Variants in CSMD3 observed in about 807,000 individuals in gnomAD.
CSMD3 encodes the protein CUB and sushi domain-containing protein 3.
A neutral mutation model predicts 435.2 loss-of-function variants in CSMD3; 177 were observed. The ratio of observed to expected loss-of-function variants is 0.41; its 90% CI spans 0.36 to 0.46. CSMD3 has a LOEUF of 0.46. Among genes scored for constraint, CSMD3 ranks in the 20% least tolerant of loss-of-function variants. CSMD3 has a pLI of 0.34. For synonymous variants in CSMD3, 1,656 were observed against 1,520.5 expected (o/e 1.09, Z -2.07); for missense variants, 4,265 against 4,504.6 (o/e 0.95, Z 1.52).
intron 40 of CSMD3, among the ~76,000 whole-genome samples, chr8:112,350,792 G>A (rs897873446): frequency 6.6e-6 from 1 of 151,882 alleles, no homozygotes; most frequent in Non-Finnish European, 1.5e-5. Context: ...TACTCCTTTT[G>A]CTAGACACTT....
intron 59 of CSMD3, among the ~76,000 whole-genome samples, chr8:112,277,084 A>T (rs1478428687): frequency 1.3e-5 from 2 of 152,122 alleles, no homozygotes; most frequent in African/African-American, 4.8e-5. Flanking sequence ...TTGGCTCCTC[A>T]TTACTTTCAC....
chr8:112,569,467 T>C (rs915116623), intron 24 of CSMD3, among the ~76,000 whole-genome samples: 6 of 152,144 alleles, frequency 3.9e-5, no homozygotes, highest in Admixed American at 1.3e-4. Flanking sequence ...TTACTATACT[T>C]AGCAATTACA....
At chr8:113,356,382 G>T (rs916512100) in intron 1 of CSMD3, among the ~76,000 whole-genome samples, 2 of 152,062 alleles carry the variant, frequency 1.3e-5, no homozygotes, top group African/African-American at 4.8e-5. Flanking sequence ...AACCTGAGAA[G>T]TCTGGATACT....
intron 1 of CSMD3, among the ~76,000 whole-genome samples, chr8:113,433,317 G>A (rs1311801181): frequency 6.6e-6 from 1 of 152,032 alleles, no homozygotes; most frequent in East Asian, 1.9e-4. Flanking sequence ...TCGCCTTATG[G>A]GCGAGGACTG....
intron 5 of CSMD3, among the ~76,000 whole-genome samples, chr8:113,038,570 A>T (rs2087460132): frequency 6.6e-6 from 1 of 152,170 alleles, no homozygotes; most frequent in Non-Finnish European, 1.5e-5. Context: ...GGCCTAGCAA[A>T]TTCTCCCATC....
At chr8:112,665,082 C>A (rs528649906) in intron 17 of CSMD3, among the ~76,000 whole-genome samples, 15 of 152,206 alleles carry the variant, frequency 9.9e-5, no homozygotes, top group Middle Eastern at 6.8e-3. Context: ...TAATAAATAG[C>A]TGAGTGTCAT....
At chr8:112,718,044 T>C (rs186231156) in intron 13 of CSMD3, among the ~76,000 whole-genome samples, 32 of 152,174 alleles carry the variant, frequency 2.1e-4, no homozygotes, top group African/African-American at 7.7e-4. Flanking sequence ...TAAACCTGCA[T>C]GTTCTGCACA....
At chr8:113,200,271 T>C (rs80292196) in intron 3 of CSMD3, among the ~76,000 whole-genome samples, 1,948 of 151,950 alleles carry the variant, frequency 0.013, 53 homozygotes, top group African/African-American at 0.045. Context: ...TTTGCGCCCT[T>C]CTTTCAATCT....
intron 14 of CSMD3, 44 bp from the exon 15 acceptor site, chr8:112,685,776 A>G: frequency 8.6e-7 from 1 of 1,166,032 alleles, no homozygotes; most frequent in Non-Finnish European, 1.3e-6. Flanking sequence ...ATATTCAAAA[A>G]TAATATTTCA....
At chr8:112,576,456 A>C (rs1829951341) in intron 23 of CSMD3, among the ~76,000 whole-genome samples, 1 of 152,250 alleles carries the variant, frequency 6.6e-6, no homozygotes, top group South Asian at 2.1e-4. Flanking sequence ...CCTGAAGATC[A>C]AAAACAAATT....
chr8:113,405,650 G>C (rs1343136101), intron 1 of CSMD3, among the ~76,000 whole-genome samples: 5 of 151,658 alleles, frequency 3.3e-5, no homozygotes, highest in Admixed American at 2.0e-4. Flanking sequence ...GTGAAATGAA[G>C]GTGGCAAAAC....
chr8:112,333,085 G>A (rs1299794522), intron 45 of CSMD3, among the ~76,000 whole-genome samples: 2 of 152,148 alleles, frequency 1.3e-5, no homozygotes, highest in African/African-American at 4.8e-5. Flanking sequence ...GAGGAAAGTA[G>A]AGATCAAAGT....
At chr8:113,174,772 T>C (rs1022922948) in intron 3 of CSMD3, among the ~76,000 whole-genome samples, 1 of 151,908 alleles carries the variant, frequency 6.6e-6, no homozygotes, top group Admixed American at 6.6e-5. Context: ...ATTACTGTTA[T>C]ATTACCTTTA....
intron 6 of CSMD3, among the ~76,000 whole-genome samples, chr8:113,005,043 A>G (rs1439691893): frequency 1.3e-5 from 2 of 151,908 alleles, no homozygotes; most frequent in Admixed American, 6.6e-5. Context: ...CAAATGATAT[A>G]TATGTGTCTG....
intron 61 of CSMD3, among the ~76,000 whole-genome samples, chr8:112,258,142 A>G (rs1216199601): frequency 6.6e-6 from 1 of 152,244 alleles, no homozygotes; most frequent in African/African-American, 2.4e-5. Flanking sequence ...GAGATACATT[A>G]AAGATTTAAA....
At chr8:112,922,880 T>G (rs756148314) in intron 9 of CSMD3, among the ~76,000 whole-genome samples, 32 of 152,138 alleles carry the variant, frequency 2.1e-4, no homozygotes, top group Non-Finnish European at 3.5e-4. Context: ...TTTAGACTAC[T>G]CTTAGAGCTT....
At chr8:113,014,268 T>G (rs963611060) in intron 6 of CSMD3, among the ~76,000 whole-genome samples, 1 of 152,150 alleles carries the variant, frequency 6.6e-6, no homozygotes, top group African/African-American at 2.4e-5. Flanking sequence ...CAGTTCTCTT[T>G]GCAGACTATT....
intron 3 of CSMD3, among the ~76,000 whole-genome samples, chr8:113,189,575 ATGTAT>A (rs372994298): frequency 6.6e-5 from 10 of 151,984 alleles, no homozygotes; most frequent in South Asian, 2.1e-4. Flanking sequence ...TTAAGAGGAA[ATGTAT>A]TGTGTGCTAA....
At chr8:112,348,659 T>TA (rs1241791112) in intron 40 of CSMD3, among the ~76,000 whole-genome samples, 5 of 152,070 alleles carry the variant, frequency 3.3e-5, no homozygotes, top group African/African-American at 1.2e-4. Flanking sequence ...CACACTGGTA[T>TA]ACCGAGGCAG....
Sources: gnomAD v4.1 joint callset for allele counts (sites outside exome capture counted in the v4.1 genomes callset) on GRCh38, gnomAD v4.1.1 for gene constraint, MANE v1.5 for transcripts, NCBI Gene and HGNC (gene_info 2026-07-23, HGNC 2026-07-21) for gene names.